The following FRYL variants were observed in gnomAD, a reference collection of about 807,000 sequenced individuals.
FRYL encodes FRY like transcription coactivator.
A neutral mutation model predicts 351.2 loss-of-function variants in FRYL; 150 were observed. The ratio of observed to expected loss-of-function variants is 0.43; its 90% confidence interval spans 0.37 to 0.49. The LOEUF (loss-of-function observed/expected upper bound fraction) is 0.49. Ranked by LOEUF, FRYL falls within the 20% of genes least tolerant of loss-of-function variation. FRYL has a pLI of 0.00. For synonymous variants in FRYL, 1,153 were observed against 1,257.1 expected (o/e 0.92, Z 1.75); for missense variants, 3,036 against 3,619.3 (o/e 0.84, Z 4.13).
intron 1 of FRYL, among the ~76,000 whole-genome samples, chr4:48,732,422 C>G (rs1280294475): frequency 6.6e-6 from 1 of 152,146 alleles, no homozygotes; most frequent in East Asian, 1.9e-4. Flanking sequence ...AATCCCATTA[C>G]TGGGCATATA....
intron 1 of FRYL, among the ~76,000 whole-genome samples, chr4:48,773,009 A>G (rs759639752): frequency 6.6e-6 from 1 of 152,202 alleles, no homozygotes; most frequent in Non-Finnish European, 1.5e-5. Context: ...CCAGCATCAA[A>G]GTGTCTTACA....
chr4:48,687,939 G>A (rs1053879407), intron 2 of FRYL, among the ~76,000 whole-genome samples: 5 of 152,080 alleles, frequency 3.3e-5, no homozygotes, highest in African/African-American at 9.7e-5. Flanking sequence ...TCCCTGCTCC[G>A]TGAGTCTTTA....
intron 7 of FRYL, chr4:48,617,708 GA>G: frequency 6.6e-6 from 1 of 152,362 alleles, no homozygotes; most frequent in Non-Finnish European, 1.5e-5. Context: ...GAAGAGATGG[GA>G]AAAATGCCTC....
rs368144291 is a variant in FRYL at position 48,515,116 on chromosome 4, A to C, written c.7849T>G (p.Ser2617Ala). Residue 2617 changes from serine to alanine, a missense_variant, in exon 56 of 64, where the codon TCA (serine) becomes GCA (alanine). Physicochemically the swap from Ser to Ala is moderately conservative, Grantham distance 99 (BLOSUM62 1). Around this residue, in one of 7 missense-constraint regions of FRYL, gnomAD observed 1,987 missense variants for 2,311.7 expected, o/e 0.86. Coordinates refer to ENST00000358350, the MANE Select transcript of FRYL (RefSeq NM_015030.2). The stretch of plus-strand genomic sequence containing the variant: ...AAGGTAACATCCTCTTCACAGACTG[A>C]CTCGGGGTAACTTTCAGGAGCTAGA... ...EPLAPESYPE[S>A]VCEEDVTLAL... 8.1e-6 allele frequency: 13 copies of C among 1,613,712 alleles called. No individual in the cohort carries two copies. The African/African-American group carries it at 1.5e-4, about 18-fold the overall frequency.
chr4:48,739,310 A>C (rs1157396858), intron 1 of FRYL, among the ~76,000 whole-genome samples: 1 of 151,360 alleles, frequency 6.6e-6, no homozygotes, highest in East Asian at 2.0e-4. Flanking sequence ...CTGAGAAAGG[A>C]GAATTGCCTG....
intron 9 of FRYL, among the ~76,000 whole-genome samples, chr4:48,608,032 G>C: frequency 6.6e-6 from 1 of 152,032 alleles, no homozygotes; most frequent in Non-Finnish European, 1.5e-5. Context: ...TTCCATGCGA[G>C]ATATTAAGAT....
chr4:48,697,149 T>C (rs1766273378), intron 2 of FRYL, among the ~76,000 whole-genome samples: 1 of 152,036 alleles, frequency 6.6e-6, no homozygotes, highest in Non-Finnish European at 1.5e-5. Context: ...TAAGGTCAAT[T>C]CCTATATTTT....
intron 40 of FRYL, 53 bp downstream of exon 40, chr4:48,548,637 T>C: frequency 9.7e-7 from 1 of 1,027,346 alleles, no homozygotes; most frequent in Non-Finnish European, 1.5e-6. Flanking sequence ...CATACTGCTT[T>C]TAAATTATCA....
chr4:48,525,184 T>TAC (rs1725816628), intron 53 of FRYL, among the ~76,000 whole-genome samples: 3 of 105,568 alleles, frequency 2.8e-5, no homozygotes, highest in African/African-American at 9.1e-5. Context: ...TATATATATA[T>TAC]ATATATATAT....
chr4:48,730,333 C>T (rs1770582514), intron 1 of FRYL, among the ~76,000 whole-genome samples: 1 of 152,140 alleles, frequency 6.6e-6, no homozygotes, highest in African/African-American at 2.4e-5. Flanking sequence ...TCCAGGAGAA[C>T]TTCCCCAACC....
chr4:48,550,669 C>T lies in FRYL; in HGVS notation c.4556G>A (p.Ser1519Asn). 1.2e-6 allele frequency: 2 copies of T among 1,613,906 alleles called. No individual in the cohort carries two copies. Among genetic ancestry groups the T allele is most frequent in the Non-Finnish European group, 1.7e-6 (2 of 1,179,824 alleles). The change falls in exon 38 of 64, where the codon AGT becomes AAT. Residue 1519 changes from serine to asparagine, a missense_variant. Transcript: ENST00000358350. ...VHLDIYSGLN[S>N]HLNRQHHRLE... is the part of the protein sequence containing the mutation. Reference sequence around the variant, plus strand: ...TCTGTGATGTTGCCGATTCAAATGACTGTTTAGTCCACTGTAAATGTCCAG... The same window carrying T: ...TCTGTGATGTTGCCGATTCAAATGATTGTTTAGTCCACTGTAAATGTCCAG...
In FRYL at chr4:48,581,333, T is replaced by A. The variant is rs190248077; in HGVS notation, c.2172+87A>T. ...GTAGGTTAGTTTAGACCCATGGTAG[T>A]AACCTACCTACATGGGATAAGGATG... On this transcript the variant is annotated intron_variant, in intron 21 of 63. Transcript: ENST00000358350. The A allele has an allele frequency of 2.5e-6, 3 of 1,181,552 alleles. No homozygotes were observed. In the African/African-American group the frequency reaches 4.6e-5, roughly 18 times the overall value. 73.2% of individuals were successfully genotyped at this position (1,181,552 alleles called of 1,614,324 possible).
chr4:48,563,398 A>G (rs1327063982), intron 31 of FRYL, among the ~76,000 whole-genome samples: 3 of 152,126 alleles, frequency 2.0e-5, no homozygotes, highest in African/African-American at 4.8e-5. Flanking sequence ...AAAAGAAAAT[A>G]CAGTCAACCC....
At chr4:48,551,198 A>C (rs890361134) in intron 37 of FRYL, among the ~76,000 whole-genome samples, 3 of 152,240 alleles carry the variant, frequency 2.0e-5, no homozygotes, top group Non-Finnish European at 4.4e-5. Context: ...ATATTCTGGC[A>C]TACAAAACAG....
intron 1 of FRYL, among the ~76,000 whole-genome samples, chr4:48,763,372 G>C (rs1774611001): frequency 6.6e-6 from 1 of 152,040 alleles, no homozygotes; most frequent in African/African-American, 2.4e-5. Flanking sequence ...TGAGGCAGGA[G>C]GATCGCTTGA....
intron 27 of FRYL, among the ~76,000 whole-genome samples, chr4:48,568,095 T>A (rs1177384064): frequency 1.3e-5 from 2 of 152,274 alleles, no homozygotes; most frequent in African/African-American, 4.8e-5. Context: ...TGAAACCCCA[T>A]CTCTACAAAA....
chr4:48,503,641 T>C (rs922984180), intron 60 of FRYL, among the ~76,000 whole-genome samples: 1 of 152,230 alleles, frequency 6.6e-6, no homozygotes, highest in Non-Finnish European at 1.5e-5. Context: ...TAAATGTATC[T>C]TCTAAAAGTC....
intron 49 of FRYL, among the ~76,000 whole-genome samples, chr4:48,532,417 G>T (rs996771651): frequency 2.6e-5 from 4 of 152,192 alleles, no homozygotes; most frequent in African/African-American, 9.6e-5. Flanking sequence ...CAGTACTTTG[G>T]GGGGCCAATG....
intron 54 of FRYL, among the ~76,000 whole-genome samples, chr4:48,522,189 G>A (rs1725052154): frequency 6.6e-6 from 1 of 152,194 alleles, no homozygotes; most frequent in South Asian, 2.1e-4. Flanking sequence ...GCTGAGGCAA[G>A]AGGATCACTT....
Sources: gnomAD v4.1 joint callset for allele counts (sites outside exome capture counted in the v4.1 genomes callset) on GRCh38, gnomAD v4.1.1 for gene constraint, gnomAD v4.1.1 regional missense constraint, MANE v1.5 for transcripts, NCBI Gene and HGNC (gene_info 2026-07-23, HGNC 2026-07-21) for gene names.